The following DCLK1 variants were observed in gnomAD, a reference collection of about 807,000 sequenced individuals.
DCLK1 encodes the protein serine/threonine-protein kinase DCLK1.
In DCLK1, 16 loss-of-function variants were observed where a neutral mutation model predicts 86.2. The observed-to-expected ratio is 0.19, with a 90% CI of 0.13 to 0.28. DCLK1 has a LOEUF of 0.28. DCLK1 is among the 10% of genes least tolerant of loss of function. DCLK1 has a pLI of 1.00. For synonymous variants in DCLK1, 369 were observed against 370.5 expected (o/e 1.00, Z 0.05); for missense variants, 590 against 940.2 (o/e 0.63, Z 4.87).
chr13:36,060,866 A>G (rs748630957), intron 3 of DCLK1, among the ~76,000 whole-genome samples: 6 of 152,120 alleles, frequency 3.9e-5, no homozygotes, highest in Non-Finnish European at 7.4e-5. Context: ...CTGTGCCCCA[A>G]CAGCCCCCAG....
chr13:35,929,536 T>C (rs556088945), intron 4 of DCLK1, among the ~76,000 whole-genome samples: 19 of 152,350 alleles, frequency 1.2e-4, no homozygotes, highest in African/African-American at 4.3e-4. Context: ...AGTGCTTTCA[T>C]AACTAAACAT....
intron 3 of DCLK1, among the ~76,000 whole-genome samples, chr13:35,994,557 TA>T (rs1005198486): frequency 2.6e-5 from 4 of 151,948 alleles, no homozygotes; most frequent in African/African-American, 9.6e-5. Flanking sequence ...ATACTAAAAA[TA>T]AAAAAAAGGC....
intron 6 of DCLK1, among the ~76,000 whole-genome samples, chr13:35,852,623 G>A (rs1418158096): frequency 6.6e-6 from 1 of 152,148 alleles, no homozygotes; most frequent in Non-Finnish European, 1.5e-5. Flanking sequence ...CCCAAGTGCT[G>A]GAAATGTTAA....
At chr13:35,786,919 G>A (rs2086633334) in intron 16 of DCLK1, among the ~76,000 whole-genome samples, 1 of 151,844 alleles carries the variant, frequency 6.6e-6, no homozygotes, top group Non-Finnish European at 1.5e-5. Context: ...TTGAGCTTTG[G>A]GTGTTTTCTT....
chr13:35,830,519 G>T (rs1273531781), intron 8 of DCLK1, among the ~76,000 whole-genome samples: 1 of 152,204 alleles, frequency 6.6e-6, no homozygotes, highest in Non-Finnish European at 1.5e-5. Context: ...AGAGGCTCCT[G>T]TAGAGTTTGT....
chr13:36,028,599 A>G (rs1387530258), intron 3 of DCLK1, among the ~76,000 whole-genome samples: 1 of 152,236 alleles, frequency 6.6e-6, no homozygotes, highest in African/African-American at 2.4e-5. Flanking sequence ...CGTTTGAACC[A>G]GAGCAAATCT....
intron 4 of DCLK1, among the ~76,000 whole-genome samples, chr13:35,911,858 G>A (rs1297791465): frequency 6.6e-6 from 1 of 152,162 alleles, no homozygotes; most frequent in Non-Finnish European, 1.5e-5. Flanking sequence ...GCAGTGGGCT[G>A]ATTGTTTTGT....
chr13:36,037,754 G>T (rs146757129), intron 3 of DCLK1, among the ~76,000 whole-genome samples: 2 of 152,040 alleles, frequency 1.3e-5, no homozygotes, highest in African/African-American at 4.8e-5. Flanking sequence ...AAAGTGCTGG[G>T]ATTACAGGCA....
chr13:35,954,154 G>A (rs966462897), intron 3 of DCLK1, among the ~76,000 whole-genome samples: 3 of 151,374 alleles, frequency 2.0e-5, no homozygotes, highest in Non-Finnish European at 4.4e-5. Context: ...AGGCTTAAAC[G>A]TTCTGTAGCT....
chr13:36,021,921 A>G (rs879668652), intron 3 of DCLK1, among the ~76,000 whole-genome samples: 5 of 152,140 alleles, frequency 3.3e-5, no homozygotes, highest in Non-Finnish European at 7.4e-5. Flanking sequence ...TATATAGTAC[A>G]GCCCACCCAA....
chr13:35,962,662 A>G (rs570866848), intron 3 of DCLK1, among the ~76,000 whole-genome samples: 160 of 152,340 alleles, frequency 1.1e-3, no homozygotes, highest in African/African-American at 3.8e-3. Context: ...TTACAAAACA[A>G]CTGTTAAAAG....
rs140235345 is a variant in DCLK1, at chr13:36,116,951, T to G, written c.377-4736A>C. On this transcript the variant is annotated intron_variant, in intron 2 of 16. Transcript: ENST00000360631. ...GCACAGCAACATTTCATAATCTACC[T>G]GGAAGTCACTGGCTTAGGATGATTT... is the stretch of plus-strand genomic sequence containing the variant. 4.1e-3 allele frequency among the ~76,000 whole-genome samples: 630 copies of G among 152,314 alleles called. 4 individuals carry two copies. Among genetic ancestry groups the G allele is most frequent in the African/African-American group, 0.014 (600 of 41,582 alleles).
At chr13:35,926,052 T>C (rs537230455) in intron 4 of DCLK1, among the ~76,000 whole-genome samples, 1 of 150,258 alleles carries the variant, frequency 6.7e-6, no homozygotes, top group East Asian at 2.0e-4. Context: ...TATTTGCAAA[T>C]GTAATCTTTT....
intron 11 of DCLK1, among the ~76,000 whole-genome samples, chr13:35,811,170 C>G (rs1202616447): frequency 6.6e-6 from 1 of 152,096 alleles, no homozygotes; most frequent in East Asian, 1.9e-4. Flanking sequence ...GAACACCTAA[C>G]AAATGGAAAT....
At chr13:36,121,631 T>C (rs925545844) in intron 2 of DCLK1, among the ~76,000 whole-genome samples, 2 of 152,232 alleles carry the variant, frequency 1.3e-5, no homozygotes, top group Non-Finnish European at 2.9e-5. Flanking sequence ...CCTTGCATCA[T>C]ATACATACCT....
rs964680518 is a variant in DCLK1 at position 36,084,499 on chromosome 13, A to G, written c.723+27370T>C. Among the ~76,000 whole-genome samples the G allele has an allele frequency of 3.3e-5, 5 of 152,224 alleles. No homozygotes were observed. The East Asian group carries it at 9.6e-4, about 29-fold the overall frequency. ...GTTTGGGAAGTCTTGTTGAAGAATC[A>G]CTAAACTGACAGCACAGAAGTGAAA... is the stretch of plus-strand genomic sequence containing the variant. On this transcript the variant is annotated intron_variant, in intron 3 of 16. Transcript: ENST00000360631.
intron 4 of DCLK1, among the ~76,000 whole-genome samples, chr13:35,921,699 C>G (rs925337087): frequency 2.6e-5 from 4 of 152,088 alleles, no homozygotes; most frequent in Non-Finnish European, 4.4e-5. Context: ...AATTTGTTGA[C>G]TGAATGAAGA....
At chr13:36,002,869 A>T (rs1224831181) in intron 3 of DCLK1, among the ~76,000 whole-genome samples, 1 of 152,242 alleles carries the variant, frequency 6.6e-6, no homozygotes, top group Admixed American at 6.5e-5. Flanking sequence ...AGGAAATCAT[A>T]AAAGGCACCA....
intron 3 of DCLK1, among the ~76,000 whole-genome samples, chr13:35,954,719 A>G (rs773258155): frequency 1.3e-5 from 2 of 152,132 alleles, no homozygotes; most frequent in Non-Finnish European, 1.5e-5. Context: ...GATCTTGGCC[A>G]GAGGAAAATA....
Sources: allele counts gnomAD v4.1 joint callset (sites outside exome capture counted in the v4.1 genomes callset), GRCh38; gene constraint gnomAD v4.1.1; transcripts MANE v1.5; gene names NCBI Gene and HGNC (gene_info 2026-07-23, HGNC 2026-07-21).